Variants in RABGAP1L observed in about 807,000 individuals in gnomAD.
RABGAP1L encodes rab GTPase-activating protein 1-like.
Under a neutral mutation model 137.7 loss-of-function variants are expected in RABGAP1L, and 63 were observed. That is an observed-to-expected ratio of 0.46 (90% CI 0.37 to 0.56). The LOEUF is 0.56. RABGAP1L is among the 20% of genes least tolerant of loss of function. The pLI, the probability that RABGAP1L is intolerant of heterozygous loss-of-function variation, is 0.00. For synonymous variants in RABGAP1L, 431 were observed against 433.7 expected, an observed-to-expected ratio of 0.99 and a Z score of 0.08; for missense variants, 1,095 against 1,244.0, an observed-to-expected ratio of 0.88 and a Z score of 1.80.
chr1:174,328,002 T>TATATACACAC, intron 11 of RABGAP1L, among the ~76,000 whole-genome samples: 1 of 122,976 alleles, frequency 8.1e-6, no homozygotes, highest in South Asian at 2.3e-4. Flanking sequence ...TATATATATA[T>TATATACACAC]ATATATATAT....
At chr1:174,378,257 T>C (rs915751834) in intron 12 of RABGAP1L, among the ~76,000 whole-genome samples, 2 of 151,728 alleles carry the variant, frequency 1.3e-5, no homozygotes, top group African/African-American at 4.9e-5. Flanking sequence ...CGTGTGTATG[T>C]GTCTTTATAG....
intron 7 of RABGAP1L, among the ~76,000 whole-genome samples, chr1:174,263,333 AC>A (rs1673763212): frequency 6.6e-6 from 1 of 152,174 alleles, no homozygotes; most frequent in South Asian, 2.1e-4. Flanking sequence ...CCCAACTTCC[AC>A]GTTAGTTCTT....
At chr1:174,870,071 G>T (rs1651935356) in intron 19 of RABGAP1L, among the ~76,000 whole-genome samples, 1 of 152,188 alleles carries the variant, frequency 6.6e-6, no homozygotes, top group African/African-American at 2.4e-5. Flanking sequence ...AAATTCTGGA[G>T]CCCACACTTC....
chr1:174,866,224 T>C (rs1651218897), intron 19 of RABGAP1L, among the ~76,000 whole-genome samples: 1 of 149,004 alleles, frequency 6.7e-6, no homozygotes, highest in Non-Finnish European at 1.5e-5. Flanking sequence ...TTTTTTCTCC[T>C]TCTCTCATCT....
At chr1:174,883,326 C>T (rs572801618) in intron 19 of RABGAP1L, among the ~76,000 whole-genome samples, 83 of 152,260 alleles carry the variant, frequency 5.5e-4, no homozygotes, top group African/African-American at 2.0e-3. Flanking sequence ...AACTAATTGT[C>T]TCCTTTTCTA....
At chr1:174,729,102 C>T (rs1337505712) in intron 17 of RABGAP1L, among the ~76,000 whole-genome samples, 3 of 152,154 alleles carry the variant, frequency 2.0e-5, no homozygotes, top group Non-Finnish European at 4.4e-5. Flanking sequence ...GTAATCAAAA[C>T]AACGTGGTAC....
At chr1:174,561,440 A>T (rs1667206111) in intron 13 of RABGAP1L, among the ~76,000 whole-genome samples, 1 of 152,188 alleles carries the variant, frequency 6.6e-6, no homozygotes, top group African/African-American at 2.4e-5. Context: ...TGCCTAAAGT[A>T]ATTTATAGAT....
At chr1:174,334,214 TAC>T (rs749893335) in intron 11 of RABGAP1L, among the ~76,000 whole-genome samples, 2 of 152,228 alleles carry the variant, frequency 1.3e-5, no homozygotes, top group Admixed American at 6.5e-5. Flanking sequence ...CCACAAAATC[TAC>T]AGTCTTTTCT....
intron 5 of RABGAP1L, among the ~76,000 whole-genome samples, chr1:174,244,054 C>G (rs1352398064): frequency 6.6e-6 from 1 of 152,228 alleles, no homozygotes; most frequent in African/African-American, 2.4e-5. Context: ...CTCTGCCCTA[C>G]AAAATAATTA....
At chr1:174,530,623 A>G (rs1329665372) in intron 13 of RABGAP1L, among the ~76,000 whole-genome samples, 3 of 152,170 alleles carry the variant, frequency 2.0e-5, no homozygotes, top group Non-Finnish European at 4.4e-5. Context: ...GATCCCAGCC[A>G]AGCAGTCTGC....
At chr1:174,711,133 T>G (rs542131290) in intron 17 of RABGAP1L, among the ~76,000 whole-genome samples, 1 of 151,172 alleles carries the variant, frequency 6.6e-6, no homozygotes. Context: ...CCGCTGTGAG[T>G]GCGGGGCCTG....
chr1:174,734,055 A>G (rs79398322), intron 17 of RABGAP1L, among the ~76,000 whole-genome samples: 195 of 152,334 alleles, frequency 1.3e-3, no homozygotes, highest in East Asian at 0.013. Context: ...TGCTTATGCA[A>G]CTAGAGGAAT....
intron 17 of RABGAP1L, among the ~76,000 whole-genome samples, chr1:174,708,078 A>T (rs1680182126): frequency 6.6e-6 from 1 of 152,208 alleles, no homozygotes. Flanking sequence ...TATTTTCATG[A>T]AATTTAAGGA....
intron 5 of RABGAP1L, among the ~76,000 whole-genome samples, chr1:174,248,580 G>A (rs1173562691): frequency 1.3e-5 from 2 of 152,100 alleles, no homozygotes; most frequent in African/African-American, 4.8e-5. Context: ...CTGTTAATTT[G>A]GCATTGAGAA....
intron 17 of RABGAP1L, among the ~76,000 whole-genome samples, chr1:174,711,451 G>A (rs2148555869): frequency 6.6e-6 from 1 of 152,198 alleles, no homozygotes; most frequent in South Asian, 2.1e-4. Flanking sequence ...GCCAGAACGA[G>A]TTCCAGGTGG....
At chr1:174,384,698 G>C (rs1207384250) in intron 12 of RABGAP1L, among the ~76,000 whole-genome samples, 2 of 152,004 alleles carry the variant, frequency 1.3e-5, no homozygotes, top group East Asian at 3.9e-4. Flanking sequence ...TTCTTATCCT[G>C]CAAAGTTATG....
At chr1:174,262,774 CT>C (rs1223010266) in intron 7 of RABGAP1L, among the ~76,000 whole-genome samples, 1 of 152,218 alleles carries the variant, frequency 6.6e-6, no homozygotes, top group African/African-American at 2.4e-5. Context: ...GTTATTGCCC[CT>C]TGGCTCCAAA....
chr1:174,241,418 C>A, intron 4 of RABGAP1L, 65 bp from the exon 5 acceptor site: 8 of 1,091,042 alleles, frequency 7.3e-6, no homozygotes, highest in African/African-American at 3.2e-5. Context: ...AAAAACCTAA[C>A]TGGAAATATG....
At chr1:174,536,720 T>C (rs1284886101) in intron 13 of RABGAP1L, among the ~76,000 whole-genome samples, 1 of 152,166 alleles carries the variant, frequency 6.6e-6, no homozygotes, top group African/African-American at 2.4e-5. Flanking sequence ...AATAAAAATT[T>C]TTCTTAGTCA....
Sources: gnomAD v4.1 joint callset for allele counts (sites outside exome capture counted in the v4.1 genomes callset) on GRCh38, gnomAD v4.1.1 for gene constraint, MANE v1.5 for transcripts, NCBI Gene and HGNC (gene_info 2026-07-23, HGNC 2026-07-21) for gene names.